Variants in NALCN observed in about 807,000 individuals in gnomAD.
The protein encoded by NALCN is sodium leak channel, non-selective.
In NALCN, 111 loss-of-function variants were observed where a neutral mutation model predicts 225.3. That is an observed-to-expected ratio of 0.49 (90% CI 0.42 to 0.58). NALCN has a LOEUF of 0.58. NALCN is among the 20% of genes least tolerant of loss of function. NALCN has a pLI of 0.00. For synonymous variants in NALCN, 764 were observed against 769.0 expected (o/e 0.99, Z 0.11); for missense variants, 1,378 against 2,202.4 (o/e 0.63, Z 7.49).
rs535953932 is a variant in NALCN at position 101,364,664 on chromosome 13, T to C, written c.644+12036A>G. Among the ~76,000 whole-genome samples, 99 of 152,232 alleles carry C rather than the reference T, an allele frequency of 6.5e-4. 1 individual carries two copies. The highest frequency in any genetic ancestry group is 5.0e-3 in the South Asian group (24 of 4,828). On this transcript the variant is annotated intron_variant, in intron 6 of 43. Coordinates refer to ENST00000251127, the MANE Select transcript of NALCN (RefSeq NM_052867.4). Reference sequence around the variant, plus strand: ...GATAAAATAAATAAGACCTAAGCATTTGATAAATCAGTAGGGTGACTATAG... The same window carrying C: ...GATAAAATAAATAAGACCTAAGCATCTGATAAATCAGTAGGGTGACTATAG...
intron 14 of NALCN, among the ~76,000 whole-genome samples, chr13:101,188,285 T>C (rs2039529267): frequency 6.6e-6 from 1 of 152,128 alleles, no homozygotes; most frequent in East Asian, 1.9e-4. Flanking sequence ...AAAATTTAAC[T>C]GCAGAATATA....
At chr13:101,294,502 T>C (rs1293044971) in intron 7 of NALCN, among the ~76,000 whole-genome samples, 1 of 151,848 alleles carries the variant, frequency 6.6e-6, no homozygotes, top group East Asian at 1.9e-4. Flanking sequence ...TTTCTCTTAT[T>C]ATCCTTAAAT....
intron 9 of NALCN, among the ~76,000 whole-genome samples, chr13:101,289,555 TA>T (rs2043473288): frequency 2.0e-5 from 3 of 150,022 alleles, no homozygotes; most frequent in Non-Finnish European, 4.4e-5. Context: ...TATATACACA[TA>T]TTTTCTATAC....
chr13:101,065,426 C>T lies in NALCN; in HGVS notation c.4582G>A (p.Val1528Ile), dbSNP rs767980482. The T allele has an allele frequency of 3.7e-6, 6 of 1,614,018 alleles. No individual in the cohort carries two copies. The highest frequency in any genetic ancestry group is 2.2e-5 in the East Asian group (1 of 44,872). The change falls in exon 40 of 44, where the codon GTC becomes ATC. Residue 1528 changes from valine (V) to isoleucine (I), a missense_variant. By Grantham distance (29) the Val-to-Ile change is conservative (BLOSUM62 3). Coordinates refer to ENST00000251127, the MANE Select transcript of NALCN (RefSeq NM_052867.4). ...EMERLHNGGD[V>I]TFHDVLSMLS... ...TACCTCAGGACATCATGGAAGGTGA[C>T]GTCGCCGCCATTGTGGAGCCTCTCC...
intron 13 of NALCN, among the ~76,000 whole-genome samples, chr13:101,226,606 C>T (rs1436039152): frequency 6.6e-6 from 1 of 152,066 alleles, no homozygotes; most frequent in Admixed American, 6.5e-5. Flanking sequence ...TGCCTCCCTC[C>T]AGCCTCCGTT....
intron 6 of NALCN, among the ~76,000 whole-genome samples, chr13:101,345,969 T>C (rs564997630): frequency 6.8e-6 from 1 of 147,102 alleles, no homozygotes; most frequent in Non-Finnish European, 1.5e-5. Flanking sequence ...AATGAGGAGA[T>C]ATACGTGACG....
At chr13:101,410,989 T>C (rs573108836) in intron 1 of NALCN, among the ~76,000 whole-genome samples, 26 of 152,174 alleles carry the variant, frequency 1.7e-4, no homozygotes, top group Non-Finnish European at 3.2e-4. Flanking sequence ...TCTTCAATCT[T>C]GGAATTGTAT....
chr13:101,232,462 T>TG (rs1195372747), intron 12 of NALCN, among the ~76,000 whole-genome samples: 2 of 151,570 alleles, frequency 1.3e-5, no homozygotes, highest in African/African-American at 4.8e-5. Context: ...TTTTTTTTTT[T>TG]TGTGACGGAG....
At chr13:101,327,775 G>A (rs1284856639) in intron 7 of NALCN, among the ~76,000 whole-genome samples, 1 of 152,156 alleles carries the variant, frequency 6.6e-6, no homozygotes, top group Non-Finnish European at 1.5e-5. Flanking sequence ...AGCCTCCTAG[G>A]ATAAAGACTG....
At chr13:101,262,821 G>A (rs1377385399) in intron 10 of NALCN, among the ~76,000 whole-genome samples, 1 of 152,122 alleles carries the variant, frequency 6.6e-6, no homozygotes, top group Non-Finnish European at 1.5e-5. Flanking sequence ...TGTGGCCCCA[G>A]GGGAGTTACT....
At chr13:101,238,688 TC>T in intron 11 of NALCN, among the ~76,000 whole-genome samples, 1 of 152,098 alleles carries the variant, frequency 6.6e-6, no homozygotes, top group Non-Finnish European at 1.5e-5. Flanking sequence ...AAGATTAACT[TC>T]TAATTAAAGA....
At chr13:101,276,168 T>G (rs891047674) in intron 10 of NALCN, among the ~76,000 whole-genome samples, 2 of 150,898 alleles carry the variant, frequency 1.3e-5, no homozygotes, top group Non-Finnish European at 2.9e-5. Flanking sequence ...AGAAAGACAT[T>G]GCAGGCATGA....
intron 10 of NALCN, among the ~76,000 whole-genome samples, chr13:101,274,056 G>C (rs904057124): frequency 6.6e-6 from 1 of 152,006 alleles, no homozygotes; most frequent in East Asian, 1.9e-4. Flanking sequence ...TGTAGACAAC[G>C]AGCACCCTTA....
intron 14 of NALCN, among the ~76,000 whole-genome samples, chr13:101,186,569 G>T (rs541467984): frequency 1.3e-5 from 2 of 151,970 alleles, no homozygotes; most frequent in African/African-American, 4.8e-5. Context: ...ACTTTTTTTG[G>T]GTAGTATAGA....
chr13:101,205,493 T>G (rs2040276465), intron 13 of NALCN, among the ~76,000 whole-genome samples: 2 of 152,146 alleles, frequency 1.3e-5, no homozygotes. Context: ...CTGACAATCT[T>G]TCTTGCAGAG....
chr13:101,137,200 A>T (rs2139760630), intron 17 of NALCN, among the ~76,000 whole-genome samples: 1 of 152,292 alleles, frequency 6.6e-6, no homozygotes, highest in African/African-American at 2.4e-5. Context: ...CTTCCCTTTG[A>T]GATACAACCC....
At position 101,175,985 on chromosome 13, in the gene NALCN, G is replaced by T. The variant is rs141438417; in HGVS notation, c.1839+315C>A. 4.3e-4 allele frequency among the ~76,000 whole-genome samples: 66 copies of T among 152,270 alleles called. 2 individuals carry two copies. The East Asian group carries it at 8.5e-3, about 20-fold the overall frequency. On this transcript the variant is annotated intron_variant, in intron 15 of 43. Transcript: ENST00000251127. ...ATATAATTATGCAAAATCTGGCCTT[G>T]AGGCATCTCATTTCCAAACAACCTT...
intron 7 of NALCN, among the ~76,000 whole-genome samples, 172 bp downstream of exon 7, chr13:101,345,094 C>T (rs182561048): frequency 3.4e-4 from 52 of 152,280 alleles, no homozygotes; most frequent in Admixed American, 4.6e-4. Flanking sequence ...TTGTATGCTA[C>T]GCACTGTCGG....
At chr13:101,414,688 A>G (rs1476528163) in intron 1 of NALCN, among the ~76,000 whole-genome samples, 2 of 152,226 alleles carry the variant, frequency 1.3e-5, no homozygotes, top group Non-Finnish European at 2.9e-5. Context: ...ACATTTTTTA[A>G]GTACATTTCT....
Sources: gnomAD v4.1 joint callset for allele counts (sites outside exome capture counted in the v4.1 genomes callset) on GRCh38, gnomAD v4.1.1 for gene constraint, MANE v1.5 for transcripts, NCBI Gene and HGNC (gene_info 2026-07-23, HGNC 2026-07-21) for gene names.